Variants in ADAMTS3 observed in about 807,000 individuals in gnomAD.
The protein encoded by ADAMTS3 is A disintegrin and metalloproteinase with thrombospondin motifs 3.
In ADAMTS3, 73 loss-of-function variants were observed where a neutral mutation model predicts 129.0. That is an observed-to-expected ratio of 0.57 (90% CI 0.47 to 0.69). The LOEUF (loss-of-function observed/expected upper bound fraction) is 0.69. Among genes scored for constraint, ADAMTS3 ranks in the 30% least tolerant of loss-of-function variants. The pLI, the probability that ADAMTS3 is intolerant of heterozygous loss-of-function variation, is 0.00. For synonymous variants in ADAMTS3, 477 were observed against 510.8 expected (o/e 0.93, Z 0.89); for missense variants, 1,457 against 1,514.5 (o/e 0.96, Z 0.63).
At chr4:72,339,838 A>C in intron 4 of ADAMTS3, 145 bp from the exon 5 acceptor site, 1 of 664,134 alleles carries the variant, frequency 1.5e-6, no homozygotes, top group South Asian at 1.9e-5. Flanking sequence ...TCCTTAAATA[A>C]TACGCATATG....
At chr4:72,297,730 G>C (rs1416447638) in intron 18 of ADAMTS3, among the ~76,000 whole-genome samples, 1 of 152,106 alleles carries the variant, frequency 6.6e-6, no homozygotes, top group Non-Finnish European at 1.5e-5. Context: ...ATTATCTTCT[G>C]TGTGCTTCAG....
intron 12 of ADAMTS3, among the ~76,000 whole-genome samples, chr4:72,313,470 C>T (rs1415544890): frequency 1.3e-5 from 2 of 152,126 alleles, no homozygotes; most frequent in Non-Finnish European, 2.9e-5. Flanking sequence ...ATTCAATCTT[C>T]GTTTGATCTT....
intron 3 of ADAMTS3, among the ~76,000 whole-genome samples, chr4:72,455,301 A>T (rs1394334235): frequency 6.6e-6 from 1 of 151,742 alleles, no homozygotes. Context: ...AGCCATAAAA[A>T]AGATAGGTTC....
intron 3 of ADAMTS3, among the ~76,000 whole-genome samples, chr4:72,544,823 A>C (rs1470052262): frequency 6.6e-6 from 1 of 152,162 alleles, no homozygotes; most frequent in Non-Finnish European, 1.5e-5. Flanking sequence ...AGTACTTCCC[A>C]TGCCTCTATT....
intron 4 of ADAMTS3, among the ~76,000 whole-genome samples, chr4:72,353,775 T>C (rs1720503647): frequency 6.6e-6 from 1 of 152,008 alleles, no homozygotes; most frequent in East Asian, 1.9e-4. Flanking sequence ...AACCTTGACA[T>C]GTATATGGTA....
At chr4:72,321,894 G>A (rs909082954) in intron 6 of ADAMTS3, among the ~76,000 whole-genome samples, 2 of 152,078 alleles carry the variant, frequency 1.3e-5, no homozygotes, top group African/African-American at 4.8e-5. Context: ...AGGGTCAGGA[G>A]TTAAAAGTTC....
intron 3 of ADAMTS3, among the ~76,000 whole-genome samples, chr4:72,533,138 A>G (rs1721087596): frequency 6.6e-6 from 1 of 152,208 alleles, no homozygotes; most frequent in Non-Finnish European, 1.5e-5. Context: ...AACACATTGT[A>G]CATCTGTATA....
intron 5 of ADAMTS3, among the ~76,000 whole-genome samples, chr4:72,338,137 T>C (rs1229495065): frequency 6.6e-6 from 1 of 152,116 alleles, no homozygotes; most frequent in Non-Finnish European, 1.5e-5. Context: ...ACACACTTCA[T>C]CCTCTCAACA....
At chr4:72,426,051 C>T (rs867202860) in intron 3 of ADAMTS3, among the ~76,000 whole-genome samples, 5 of 152,212 alleles carry the variant, frequency 3.3e-5, no homozygotes, top group Middle Eastern at 3.4e-3. Context: ...TGGTATCTCA[C>T]TGTGGTTTTG....
At position 72,444,367 on chromosome 4, in the gene ADAMTS3, G is replaced by C. The variant is rs1233840072; in HGVS notation, c.505-29396C>G. The stretch of plus-strand genomic sequence containing the variant: ...AAACAGGTTGGTAGCTGTCATCATG[G>C]TCTTATCCTGGACATTTAAGGATAA... On this transcript the variant is annotated intron_variant, in intron 3 of 21. Coordinates refer to ENST00000286657, the MANE Select transcript of ADAMTS3 (RefSeq NM_014243.3). Among the ~76,000 whole-genome samples, 3 of 151,672 alleles carry C rather than the reference G, an allele frequency of 2.0e-5. No individual in the cohort carries two copies. In the East Asian group the frequency reaches 5.9e-4, roughly 30 times the overall value.
At chr4:72,299,616 A>G (rs537087793) in intron 17 of ADAMTS3, among the ~76,000 whole-genome samples, 40 of 152,282 alleles carry the variant, frequency 2.6e-4, no homozygotes, top group African/African-American at 9.6e-4. Flanking sequence ...TTTAATAATG[A>G]GAGTGTATGA....
chr4:72,363,119 C>CATAA (rs1180151807), intron 4 of ADAMTS3, among the ~76,000 whole-genome samples: 1 of 151,862 alleles, frequency 6.6e-6, no homozygotes, highest in African/African-American at 2.4e-5. Flanking sequence ...AAAATAGTAG[C>CATAA]ATAAAATTGC....
chr4:72,539,408 A>G (rs1184550970), intron 3 of ADAMTS3, among the ~76,000 whole-genome samples: 1 of 151,254 alleles, frequency 6.6e-6, no homozygotes, highest in African/African-American at 2.4e-5. Flanking sequence ...GAGATGTTCA[A>G]CTTCACTAAC....
intron 3 of ADAMTS3, among the ~76,000 whole-genome samples, chr4:72,486,419 C>T (rs1719593361): frequency 6.6e-6 from 1 of 152,120 alleles, no homozygotes; most frequent in African/African-American, 2.4e-5. Flanking sequence ...TATCTGGCTC[C>T]TACTTAAAAA....
chr4:72,502,412 A>G (rs781066933), intron 3 of ADAMTS3, among the ~76,000 whole-genome samples: 1 of 152,160 alleles, frequency 6.6e-6, no homozygotes, highest in Non-Finnish European at 1.5e-5. Context: ...ATAGGTGTTC[A>G]TAATAGTCTC....
intron 4 of ADAMTS3, among the ~76,000 whole-genome samples, chr4:72,348,108 T>G (rs1720334844): frequency 1.3e-5 from 2 of 152,066 alleles, no homozygotes; most frequent in African/African-American, 2.4e-5. Flanking sequence ...GATAAATATT[T>G]AAAGGCTCTG....
chr4:72,350,126 T>C (rs929428264), intron 4 of ADAMTS3, among the ~76,000 whole-genome samples: 9 of 152,062 alleles, frequency 5.9e-5, no homozygotes, highest in Non-Finnish European at 1.2e-4. Flanking sequence ...AACAAAATTG[T>C]TGAGCCATTC....
At chr4:72,306,684 A>G (rs992115744) in intron 15 of ADAMTS3, among the ~76,000 whole-genome samples, 2 of 151,988 alleles carry the variant, frequency 1.3e-5, no homozygotes, top group Non-Finnish European at 2.9e-5. Context: ...AATCGACAAC[A>G]TGGATTTTAA....
In ADAMTS3 at chr4:72,457,394, TAGTC is replaced by T. The variant is rs538873951; in HGVS notation, c.505-42427_505-42424del. ...TTTGGAATATTCAGTGGTCTAGTAT[TAGTC>T]AGGCAGAAAGGAATGAGAACTACCT... is the stretch of plus-strand genomic sequence containing the variant. On this transcript the variant is annotated intron_variant, in intron 3 of 21. Transcript: ENST00000286657. 2.1e-3 allele frequency among the ~76,000 whole-genome samples: 313 copies of T among 151,828 alleles called. 1 individual carries two copies. The highest frequency in any genetic ancestry group is 0.02 in the Middle Eastern group (6 of 294).
Sources: gnomAD v4.1 joint callset for allele counts (sites outside exome capture counted in the v4.1 genomes callset) on GRCh38, gnomAD v4.1.1 for gene constraint, MANE v1.5 for transcripts, NCBI Gene and HGNC (gene_info 2026-07-23, HGNC 2026-07-21) for gene names.